DNAH14: variants seen among roughly 807,000 people sequenced by gnomAD.
The protein encoded by DNAH14 is dynein axonemal heavy chain 14.
DNAH14 carries 478 observed loss-of-function variants against 520.9 expected under a neutral mutation model. The observed-to-expected ratio is 0.92, with a 90% confidence interval of 0.85 to 0.99. The LOEUF (loss-of-function observed/expected upper bound fraction) is 0.99. DNAH14 is among the 50% of genes least tolerant of loss of function. The probability of loss-of-function intolerance (pLI) is 0.00; values close to 1 mark genes in which losing one functional copy is unlikely to be tolerated. For missense variants in DNAH14, 4,831 were observed against 5,234.5 expected (o/e 0.92, Z 2.38); for synonymous variants, 1,581 against 1,757.2 (o/e 0.90, Z 2.51).
intron 17 of DNAH14, among the ~76,000 whole-genome samples, chr1:225,054,536 A>G (rs1558803207): frequency 6.6e-6 from 1 of 152,092 alleles, no homozygotes; most frequent in East Asian, 1.9e-4. Flanking sequence ...TTTCCTCTAT[A>G]TCCTTATTTA....
intron 10 of DNAH14, among the ~76,000 whole-genome samples, chr1:225,017,873 CA>C (rs897222850): frequency 1.3e-5 from 2 of 152,126 alleles, no homozygotes; most frequent in African/African-American, 4.8e-5. Context: ...GCACCACAGC[CA>C]AATACTTGAG....
chr1:225,377,001 A>G (rs1463422030), intron 78 of DNAH14, among the ~76,000 whole-genome samples: 1 of 152,152 alleles, frequency 6.6e-6, no homozygotes, highest in African/African-American at 2.4e-5. Context: ...TTTCCCAAAA[A>G]GAAAGTTATA....
At chr1:225,347,645 G>C (rs1036704022) in intron 71 of DNAH14, among the ~76,000 whole-genome samples, 3 of 152,164 alleles carry the variant, frequency 2.0e-5, no homozygotes, top group Admixed American at 2.0e-4. Context: ...TTCACAGGGA[G>C]AACTTAGGAG....
At chr1:225,174,268 T>TA (rs1218952577) in intron 36 of DNAH14, among the ~76,000 whole-genome samples, 6 of 151,828 alleles carry the variant, frequency 4.0e-5, no homozygotes, top group East Asian at 1.9e-4. Context: ...TAATAAATTT[T>TA]AAAAAAAGTT....
Position 225,051,532 on chromosome 1 carries a change from A to G in DNAH14, c.2161A>G (p.Met721Val). 1 of 1,551,132 alleles carries G rather than the reference A, an allele frequency of 6.4e-7. No individual in the cohort carries two copies. Residue 721 changes from methionine (M) to valine (V), a missense_variant, in exon 17 of 86, where the codon ATG (methionine) becomes GTG (valine). Physicochemically the swap from Met to Val is conservative, Grantham distance 21. Transcript: ENST00000682510. ...CCACAAGTTTATAAAGTATTGTACC[A>G]TGACAGAAAAGGCCAAAATCATGAG... is the stretch of plus-strand genomic sequence containing the variant. Reference protein sequence around the residue: ...YSHKFIKYCTMTEKAKIMSMK... With the variant: ...YSHKFIKYCTVTEKAKIMSMK...
Position 225,152,082 on chromosome 1 carries a change from C to T in DNAH14, c.5009+9C>T, listed in dbSNP as rs1307492125. ...ATCACCATGAATCCCAGGTAAGTATCAGTAAATCTAGTGGGAATAGACACA... is the reference window on the plus strand; with the variant it reads ...ATCACCATGAATCCCAGGTAAGTATTAGTAAATCTAGTGGGAATAGACACA... On this transcript the variant is annotated intron_variant, in intron 32 of 85. Transcript: ENST00000682510. 1 of 1,546,578 alleles carries T rather than the reference C, an allele frequency of 6.5e-7. No homozygotes were observed. The highest frequency in any genetic ancestry group is 2.0e-5 in the Admixed American group (1 of 49,984).
intron 10 of DNAH14, among the ~76,000 whole-genome samples, chr1:225,009,677 T>C (rs2064530411): frequency 6.6e-6 from 1 of 152,228 alleles, no homozygotes; most frequent in Admixed American, 6.5e-5. Flanking sequence ...TAGCATTGAA[T>C]CTATAAATTA....
intron 78 of DNAH14, among the ~76,000 whole-genome samples, chr1:225,377,013 A>G (rs2095709593): frequency 6.6e-6 from 1 of 151,944 alleles, no homozygotes; most frequent in Non-Finnish European, 1.5e-5. Context: ...AAAGTTATAC[A>G]TGCATATCAT....
rs372706704 is a variant in DNAH14, at chr1:224,967,575, A to G, written c.643A>G (p.Ile215Val). The stretch of plus-strand genomic sequence containing the variant: ...ATTTTGGGTTATTACTGCTTCATTT[A>G]TCTCAAAGGTAATGTTTAATGGATG... ...KEFWVITASF[I>V]SKVINIVGSV... is the part of the protein sequence containing the mutation. Residue 215 changes from isoleucine (I) to valine (V), a missense_variant, in exon 6 of 86, where the codon ATC becomes GTC. Physicochemically the swap from Ile to Val is conservative, Grantham distance 29 (BLOSUM62 3). Transcript: ENST00000682510. 1 of 1,601,248 alleles carries G rather than the reference A, an allele frequency of 6.2e-7. No individual in the cohort carries two copies. Among genetic ancestry groups the G allele is most frequent in the Non-Finnish European group, 8.5e-7 (1 of 1,176,040 alleles).
intron 27 of DNAH14, among the ~76,000 whole-genome samples, chr1:225,136,092 C>T (rs1417320502): frequency 6.6e-6 from 1 of 152,092 alleles, no homozygotes; most frequent in Admixed American, 6.6e-5. Context: ...ACTGATGAGG[C>T]TTGACTCTTT....
chr1:225,239,531 A>AG lies in DNAH14; in HGVS notation c.6519-1061dup, dbSNP rs560731317. ...TGTTTGCCTAGTCAGTCCCAGTGAG[A>AG]GAAACTGGATATTTCAGTTGAAGGT... is the stretch of plus-strand genomic sequence containing the variant. On this transcript the variant is annotated intron_variant, in intron 42 of 85. Transcript: ENST00000682510. Among the ~76,000 whole-genome samples, 108 of 152,252 alleles carry AG rather than the reference A, an allele frequency of 7.1e-4. 1 individual carries two copies. Among genetic ancestry groups the AG allele is most frequent in the African/African-American group, 2.5e-3 (105 of 41,548 alleles).
chr1:225,107,567 A>G (rs554375388), intron 23 of DNAH14, among the ~76,000 whole-genome samples: 45 of 152,330 alleles, frequency 3.0e-4, no homozygotes, highest in African/African-American at 1.0e-3. Flanking sequence ...TAGGCAAGAT[A>G]GAAGTGGGAA....
chr1:225,101,970 C>T (rs550755205), intron 23 of DNAH14, among the ~76,000 whole-genome samples: 1 of 151,570 alleles, frequency 6.6e-6, no homozygotes, highest in Admixed American at 6.6e-5. Context: ...TATACATGTG[C>T]CGTGTTGGTG....
chr1:225,370,882 A>G (rs1027667992), intron 77 of DNAH14, among the ~76,000 whole-genome samples: 6 of 152,168 alleles, frequency 3.9e-5, no homozygotes, highest in South Asian at 2.1e-4. Flanking sequence ...TTTTGATAAG[A>G]CAAATAAAAT....
chr1:225,257,852 A>G, intron 44 of DNAH14, 108 bp from the exon 45 acceptor site: 1 of 951,654 alleles, frequency 1.1e-6, no homozygotes, highest in Non-Finnish European at 1.5e-6. Context: ...TACTTTTCAT[A>G]TATACAATTA....
intron 81 of DNAH14, 89 bp downstream of exon 81, chr1:225,381,668 G>A (rs573004550): frequency 5.8e-6 from 6 of 1,037,430 alleles, no homozygotes; most frequent in African/African-American, 4.8e-5. Flanking sequence ...TGGTGCATCT[G>A]TGTGATGAAA....
chr1:225,184,085 T>A (rs931677036), intron 36 of DNAH14, among the ~76,000 whole-genome samples: 3 of 152,162 alleles, frequency 2.0e-5, no homozygotes, highest in African/African-American at 7.2e-5. Flanking sequence ...AAATCAGTAT[T>A]ATCCTAATAT....
intron 49 of DNAH14, 55 bp from the exon 50 acceptor site, chr1:225,270,680 T>C (rs1574425185): frequency 6.7e-7 from 1 of 1,489,632 alleles, no homozygotes; most frequent in East Asian, 2.5e-5. Context: ...CGTAGGTACA[T>C]ACTTCACTTC....
rs2093134798 is a variant in DNAH14, at chr1:225,266,786, G to A, written c.7539+17G>A. ...ACATGGAAGGTACAGTATATACTAA[G>A]ATTTTGTTCACATTAAGTATTATTT... On this transcript the variant is annotated intron_variant, in intron 49 of 85. Transcript: ENST00000682510. 1 of 1,468,266 alleles carries A rather than the reference G, an allele frequency of 6.8e-7. No homozygotes were observed. The highest frequency in any genetic ancestry group is 2.7e-5 in the East Asian group (1 of 36,850). The allele number at this position is 1,468,266 out of a possible 1,614,324, so 91.0% of individuals were successfully genotyped here. A position where few individuals can be genotyped will look rare whatever the true frequency, so the allele number is the denominator to read the frequency against.
Sources: allele counts gnomAD v4.1 joint callset (sites outside exome capture counted in the v4.1 genomes callset), GRCh38; gene constraint gnomAD v4.1.1; transcripts MANE v1.5; gene names NCBI Gene and HGNC (gene_info 2026-07-23, HGNC 2026-07-21).